The following TRIM44 variants were observed in gnomAD, a reference collection of about 807,000 sequenced individuals.
The protein encoded by TRIM44 is tripartite motif-containing protein 44.
TRIM44 carries 13 observed loss-of-function variants against 37.4 expected under a neutral mutation model. The observed-to-expected ratio is 0.35, with a 90% CI of 0.23 to 0.55. The LOEUF is 0.55. Among genes scored for constraint, TRIM44 ranks in the 20% least tolerant of loss-of-function variants. The pLI is 0.89. For synonymous variants in TRIM44, 175 were observed against 157.2 expected, an observed-to-expected ratio of 1.11 and a Z score of -0.85; for missense variants, 426 against 437.2, an observed-to-expected ratio of 0.97 and a Z score of 0.23.
In TRIM44 at chr11:35,808,264, G is replaced by A. The variant is rs1022075662; in HGVS notation, c.*1879G>A. 6.7e-6 allele frequency: 1 copy of A among 148,406 alleles called. No homozygotes were observed. Among genetic ancestry groups the A allele is most frequent in the East Asian group, 2.0e-4 (1 of 5,060 alleles). The allele number at this position is 148,406 out of a possible 1,614,324, so 9.2% of individuals were successfully genotyped here. A position where few individuals can be genotyped will look rare whatever the true frequency, so the allele number is the denominator to read the frequency against. ...AAACTGATGGCCAAGAAATGGCTAGGACAATTTTGGTGCTTTACCTATCTC... is the reference window on the plus strand; with the variant it reads ...AAACTGATGGCCAAGAAATGGCTAGAACAATTTTGGTGCTTTACCTATCTC... On this transcript the variant is annotated 3_prime_UTR_variant, in exon 5 of 5. Coordinates refer to ENST00000299413, the MANE Select transcript of TRIM44 (RefSeq NM_017583.6).
intron 4 of TRIM44, among the ~76,000 whole-genome samples, chr11:35,742,403 C>T (rs937378700): frequency 7.1e-6 from 1 of 140,042 alleles, no homozygotes; most frequent in Non-Finnish European, 1.5e-5. Context: ...TATAGGACAA[C>T]AGTCCTAATA....
rs566591370 is a variant in TRIM44, at chr11:35,814,888, G to A, written c.*8503G>A. Reference sequence around the variant, plus strand: ...CAGCAGTAGGAAAACGAGGAGGGAGGGAGAGGGAAATTGTCCACCACTTCC... The same window carrying A: ...CAGCAGTAGGAAAACGAGGAGGGAGAGAGAGGGAAATTGTCCACCACTTCC... On this transcript the variant is annotated 3_prime_UTR_variant, in exon 5 of 5. Coordinates refer to ENST00000299413, the MANE Select transcript of TRIM44 (RefSeq NM_017583.6). The A allele has an allele frequency of 5.3e-5, 8 of 152,210 alleles. No homozygotes were observed. The East Asian group carries it at 1.6e-3, about 30-fold the overall frequency. 9.4% of individuals were successfully genotyped at this position (152,210 alleles called of 1,614,324 possible). A position where few individuals can be genotyped will look rare whatever the true frequency, so the allele number is the denominator to read the frequency against.
intron 4 of TRIM44, among the ~76,000 whole-genome samples, chr11:35,792,989 C>A (rs1263321482): frequency 6.6e-6 from 1 of 151,986 alleles, no homozygotes; most frequent in Non-Finnish European, 1.5e-5. Flanking sequence ...GAAAATGAAA[C>A]CAATATCTGA....
chr11:35,706,973 G>C (rs1277174748), intron 2 of TRIM44, among the ~76,000 whole-genome samples: 4 of 151,864 alleles, frequency 2.6e-5, no homozygotes, highest in Non-Finnish European at 5.9e-5. Context: ...AAGTCAAATT[G>C]TCCCTGTTTG....
Position 35,810,954 on chromosome 11 carries a change from T to C in TRIM44, c.*4569T>C, listed in dbSNP as rs1207079729. The stretch of plus-strand genomic sequence containing the variant: ...ATGTTTCAGTATATCATTTTCATAC[T>C]GTAAATTATTTTGTAAGAGAGATTT... On this transcript the variant is annotated 3_prime_UTR_variant, in exon 5 of 5. Transcript: ENST00000299413. 1.3e-5 allele frequency: 2 copies of C among 152,224 alleles called. No individual in the cohort carries two copies. The highest frequency in any genetic ancestry group is 2.9e-5 in the Non-Finnish European group (2 of 68,018). 9.4% of individuals were successfully genotyped at this position (152,224 alleles called of 1,614,324 possible).
At chr11:35,795,752 A>G (rs1853275625) in intron 4 of TRIM44, among the ~76,000 whole-genome samples, 1 of 152,096 alleles carries the variant, frequency 6.6e-6, no homozygotes, top group Non-Finnish European at 1.5e-5. Context: ...ATGGTGAAAT[A>G]TTCAGGAGCC....
intron 4 of TRIM44, among the ~76,000 whole-genome samples, chr11:35,752,035 C>G (rs750359979): frequency 1.3e-5 from 2 of 152,166 alleles, no homozygotes; most frequent in Non-Finnish European, 2.9e-5. Flanking sequence ...TACTTTTGTT[C>G]AAAACATAAC....
chr11:35,742,926 G>GC (rs1391232067), intron 4 of TRIM44, among the ~76,000 whole-genome samples: 13 of 151,114 alleles, frequency 8.6e-5, no homozygotes, highest in Non-Finnish European at 1.6e-4. Context: ...CAGCTAAAAA[G>GC]TGGTAGAGCC....
intron 2 of TRIM44, among the ~76,000 whole-genome samples, chr11:35,711,937 A>G (rs751943159): frequency 5.9e-5 from 9 of 152,280 alleles, no homozygotes; most frequent in Non-Finnish European, 1.0e-4. Flanking sequence ...AAATAATTCT[A>G]TGCTTTGATC....
intron 4 of TRIM44, among the ~76,000 whole-genome samples, chr11:35,749,496 C>T (rs1852535276): frequency 6.6e-6 from 1 of 152,302 alleles, no homozygotes; most frequent in Non-Finnish European, 1.5e-5. Flanking sequence ...ACCAGCCTGG[C>T]CAACATGGCA....
At chr11:35,754,749 G>A (rs1286885638) in intron 4 of TRIM44, among the ~76,000 whole-genome samples, 1 of 149,846 alleles carries the variant, frequency 6.7e-6, no homozygotes, top group African/African-American at 2.5e-5. Flanking sequence ...GTGAGAACAT[G>A]CGGTGTTTGG....
chr11:35,737,997 CCCT>C (rs762913170), intron 4 of TRIM44, among the ~76,000 whole-genome samples: 1 of 152,166 alleles, frequency 6.6e-6, no homozygotes, highest in Non-Finnish European at 1.5e-5. Context: ...ATCTCCTTGG[CCCT>C]CCTCCGCCTT....
intron 2 of TRIM44, among the ~76,000 whole-genome samples, chr11:35,718,518 AT>A (rs1391518283): frequency 6.6e-6 from 1 of 152,106 alleles, no homozygotes; most frequent in Non-Finnish European, 1.5e-5. Context: ...CTCCCCAACT[AT>A]TATCATCCTG....
chr11:35,682,956 CGAAGAGCTTAAAATGGGCGCT>C, intron 1 of TRIM44, among the ~76,000 whole-genome samples: 1 of 152,164 alleles, frequency 6.6e-6, no homozygotes, highest in East Asian at 1.9e-4. Context: ...GAGCTCTTGC[CGAAGAGCTTAAAATGGGCGCT>C]GGCAGCTGGG....
At chr11:35,787,990 T>G (rs970559494) in intron 4 of TRIM44, among the ~76,000 whole-genome samples, 2 of 152,232 alleles carry the variant, frequency 1.3e-5, no homozygotes, top group African/African-American at 4.8e-5. Flanking sequence ...GATGCCAGCC[T>G]ATGGCAGTTG....
chr11:35,689,056 G>A (rs751345264), intron 2 of TRIM44, among the ~76,000 whole-genome samples: 8 of 152,230 alleles, frequency 5.3e-5, no homozygotes, highest in Non-Finnish European at 1.0e-4. Flanking sequence ...AGGGGAAAAA[G>A]AGGTGGGTTA....
chr11:35,679,851 A>G (rs1851504630), intron 1 of TRIM44, among the ~76,000 whole-genome samples: 1 of 152,186 alleles, frequency 6.6e-6, no homozygotes. Flanking sequence ...TTCCTCATTT[A>G]CAGATGGAAA....
chr11:35,776,924 A>G (rs1852974202), intron 4 of TRIM44, among the ~76,000 whole-genome samples: 2 of 152,218 alleles, frequency 1.3e-5, no homozygotes, highest in African/African-American at 2.4e-5. Flanking sequence ...AGAAGAATGT[A>G]TATTCTGTTG....
chr11:35,748,449 C>G lies in TRIM44; in HGVS notation c.1007+13004C>G, dbSNP rs56769362. On this transcript the variant is annotated intron_variant, in intron 4 of 4. Coordinates refer to ENST00000299413, the MANE Select transcript of TRIM44 (RefSeq NM_017583.6). ...TGGATGATTATCTATCTCATTTAATCCTCAAAACAATTTAGGAAAAACATG... is the reference window on the plus strand; with the variant it reads ...TGGATGATTATCTATCTCATTTAATGCTCAAAACAATTTAGGAAAAACATG... 8.5e-3 allele frequency among the ~76,000 whole-genome samples: 1,295 copies of G among 152,264 alleles called. 24 individuals are homozygous for G. Among genetic ancestry groups the G allele is most frequent in the African/African-American group, 0.029 (1,220 of 41,554 alleles).
Sources: gnomAD v4.1 joint callset for allele counts (sites outside exome capture counted in the v4.1 genomes callset) on GRCh38, gnomAD v4.1.1 for gene constraint, MANE v1.5 for transcripts, NCBI Gene and HGNC (gene_info 2026-07-23, HGNC 2026-07-21) for gene names.